Variants in PLXDC2 observed in about 807,000 individuals in gnomAD.
The protein encoded by PLXDC2 is plexin domain containing 2.
PLXDC2 carries 40 observed loss-of-function variants against 68.9 expected under a neutral mutation model. That is an observed-to-expected ratio of 0.58 (90% CI 0.45 to 0.76). The LOEUF (loss-of-function observed/expected upper bound fraction) is 0.76. Ranked by LOEUF, PLXDC2 falls within the 30% of genes least tolerant of loss-of-function variation. PLXDC2 has a pLI of 0.00. For synonymous variants in PLXDC2, 243 were observed against 234.2 expected (o/e 1.04, Z -0.34); for missense variants, 644 against 661.9 (o/e 0.97, Z 0.30).
chr10:20,110,182 G>A (rs542779762), intron 4 of PLXDC2, among the ~76,000 whole-genome samples: 2 of 152,152 alleles, frequency 1.3e-5, no homozygotes, highest in Non-Finnish European at 2.9e-5. Flanking sequence ...GGCAGGTGGT[G>A]TTATGCAAGG....
rs916515862 is a variant in PLXDC2 at position 19,913,698 on chromosome 10, G to C, written c.113-88077G>C. On this transcript the variant is annotated intron_variant, in intron 1 of 13. Transcript: ENST00000377252. ...ATAATAGTGCCTGCCAGCTTTAGGAGGCTGTGTCATCAGCTATCAATAGCA... is the reference window on the plus strand; with the variant it reads ...ATAATAGTGCCTGCCAGCTTTAGGACGCTGTGTCATCAGCTATCAATAGCA... Among the ~76,000 whole-genome samples, 4 of 152,286 alleles carry C rather than the reference G, an allele frequency of 2.6e-5. No individual in the cohort carries two copies. The East Asian group carries it at 7.7e-4, about 29-fold the overall frequency.
At position 19,993,103 on chromosome 10, in the gene PLXDC2, A is replaced by G. The variant is rs1261159178; in HGVS notation, c.113-8672A>G. 2.0e-5 allele frequency among the ~76,000 whole-genome samples: 3 copies of G among 152,126 alleles called. No homozygotes were observed. In the East Asian group the frequency reaches 5.8e-4, roughly 29 times the overall value. ...CATGCCAAGCCCAAGCCCATTACTA[A>G]CCCTAAATGAGGGTTATTGTTATTA... On this transcript the variant is annotated intron_variant, in intron 1 of 13. Transcript: ENST00000377252.
At chr10:20,205,566 C>G (rs1281923010) in intron 9 of PLXDC2, among the ~76,000 whole-genome samples, 1 of 152,048 alleles carries the variant, frequency 6.6e-6, no homozygotes, top group Non-Finnish European at 1.5e-5. Context: ...ACACATTTCA[C>G]ATTAATATGG....
At chr10:20,160,617 C>T (rs75809043) in intron 6 of PLXDC2, among the ~76,000 whole-genome samples, 6,007 of 151,998 alleles carry the variant, frequency 0.04, 132 homozygotes, top group South Asian at 0.068. Context: ...CTCAGTACAC[C>T]GTGAGGCTAC....
intron 1 of PLXDC2, among the ~76,000 whole-genome samples, chr10:20,000,264 A>G (rs939111262): frequency 1.4e-5 from 2 of 140,462 alleles, no homozygotes; most frequent in East Asian, 2.5e-4. Context: ...CTTTATGTAC[A>G]TGAGTTTTTT....
intron 1 of PLXDC2, among the ~76,000 whole-genome samples, chr10:19,947,191 C>G (rs114919662): frequency 1.1e-3 from 168 of 152,266 alleles, no homozygotes; most frequent in African/African-American, 3.8e-3. Context: ...TTCCCTAGAG[C>G]CTGTAGAAAA....
At chr10:20,216,284 A>G (rs1039877575) in intron 10 of PLXDC2, among the ~76,000 whole-genome samples, 1 of 152,128 alleles carries the variant, frequency 6.6e-6, no homozygotes, top group Non-Finnish European at 1.5e-5. Flanking sequence ...AAAAAGGATA[A>G]CTGAGCTTAT....
chr10:20,232,401 C>T (rs1304129927), intron 12 of PLXDC2, among the ~76,000 whole-genome samples: 5 of 152,088 alleles, frequency 3.3e-5, no homozygotes, highest in Admixed American at 3.3e-4. Flanking sequence ...CACACACACG[C>T]ACACACAGAC....
chr10:20,188,791 G>T (rs1181864711), intron 9 of PLXDC2, among the ~76,000 whole-genome samples: 1 of 151,738 alleles, frequency 6.6e-6, no homozygotes, highest in Non-Finnish European at 1.5e-5. Context: ...TAAATCAGAA[G>T]ATTTTAGAAT....
chr10:20,068,102 A>T, intron 3 of PLXDC2, 68 bp from the exon 4 acceptor site: 1 of 1,349,012 alleles, frequency 7.4e-7, no homozygotes, highest in South Asian at 1.3e-5. Flanking sequence ...TTTAAGTGAA[A>T]GGCTCTTCAT....
chr10:20,164,409 T>C, intron 6 of PLXDC2, 59 bp from the exon 7 acceptor site: 1 of 1,351,362 alleles, frequency 7.4e-7, no homozygotes, highest in South Asian at 1.2e-5. Context: ...TCCTACTACC[T>C]TTCCTCCCTG....
chr10:20,217,465 A>G lies in PLXDC2; in HGVS notation c.1162A>G (p.Thr388Ala), dbSNP rs766309968. The G allele has an allele frequency of 1.9e-6, 3 of 1,612,794 alleles. No individual in the cohort carries two copies. In the Admixed American group the frequency reaches 5.0e-5, roughly 27 times the overall value. Residue 388 changes from threonine (T) to alanine (A), a missense_variant, in exon 11 of 14, where the codon ACT becomes GCT. Thr to Ala is a moderately conservative substitution (Grantham distance 58, BLOSUM62 0). Coordinates refer to ENST00000377252, the MANE Select transcript of PLXDC2 (RefSeq NM_032812.9). ...GTGTGAGAATACAGAACCAGTGGAA[A>G]CTTCTTCTCGAACCACCACAACCGT... is the stretch of plus-strand genomic sequence containing the variant. ...KMCENTEPVETSSRTTTTVGA... is the reference protein window; with the variant it reads ...KMCENTEPVEASSRTTTTVGA...
chr10:20,244,947 T>C (rs918853451), intron 12 of PLXDC2, among the ~76,000 whole-genome samples: 1 of 152,004 alleles, frequency 6.6e-6, no homozygotes, highest in Non-Finnish European at 1.5e-5. Flanking sequence ...AAATCCCATC[T>C]CCACTAAACA....
intron 2 of PLXDC2, 104 bp from the exon 3 acceptor site, chr10:20,046,765 T>C (rs1835805241): frequency 2.5e-6 from 3 of 1,181,218 alleles, no homozygotes; most frequent in Admixed American, 2.7e-5. Context: ...ATCATTTTGC[T>C]CTTTTAAAAA....
intron 12 of PLXDC2, among the ~76,000 whole-genome samples, chr10:20,234,836 C>T (rs1306149335): frequency 6.6e-6 from 1 of 152,016 alleles, no homozygotes; most frequent in African/African-American, 2.4e-5. Context: ...TCTAAGGTTC[C>T]AGTACTGAGG....
chr10:20,289,097 A>G lies in PLXDC2; in HGVS notation c.*9278A>G, dbSNP rs1836197030. 6.6e-6 allele frequency: 1 copy of G among 152,114 alleles called. No individual in the cohort carries two copies. Among genetic ancestry groups the G allele is most frequent in the African/African-American group, 2.4e-5 (1 of 41,424 alleles). The allele number at this position is 152,114 out of a possible 1,614,324, so 9.4% of individuals were successfully genotyped here. ...ACATACGTTTTGTTTCCTTTCTTCC[A>G]TTAGTGTTCAAAAGGTTCTACCCAT... is the stretch of plus-strand genomic sequence containing the variant. On this transcript the variant is annotated 3_prime_UTR_variant, in exon 14 of 14. Transcript: ENST00000377252.
intron 1 of PLXDC2, among the ~76,000 whole-genome samples, chr10:19,993,575 T>A (rs1834788747): frequency 6.6e-6 from 1 of 151,998 alleles, no homozygotes; most frequent in African/African-American, 2.4e-5. Flanking sequence ...ATGCGCCACC[T>A]CACCTGGCTG....
intron 1 of PLXDC2, among the ~76,000 whole-genome samples, chr10:19,843,736 A>G (rs4748613): frequency 0.36 from 55,042 of 152,042 alleles, 10,495 homozygotes; most frequent in East Asian, 0.63. Context: ...TCCTGGAGCT[A>G]AAGAATAGAA....
chr10:20,162,071 AGAAGGAAG>A (rs1181393820), intron 6 of PLXDC2, among the ~76,000 whole-genome samples: 76 of 44,882 alleles, frequency 1.7e-3, no homozygotes, highest in Middle Eastern at 9.8e-3. Flanking sequence ...AGAGAGAGAG[AGAAGGAAG>A]GAAGGAAGGA....
Sources: allele counts gnomAD v4.1 joint callset (sites outside exome capture counted in the v4.1 genomes callset), GRCh38; gene constraint gnomAD v4.1.1; transcripts MANE v1.5; gene names NCBI Gene and HGNC (gene_info 2026-07-23, HGNC 2026-07-21).